Variants in KLF12 observed in about 807,000 individuals in gnomAD.
The protein encoded by KLF12 is KLF transcription factor 12.
KLF12 carries 9 observed loss-of-function variants against 37.8 expected under a neutral mutation model. The ratio of observed to expected loss-of-function variants is 0.24; its 90% CI spans 0.14 to 0.42. The LOEUF (loss-of-function observed/expected upper bound fraction) is 0.42. Ranked by LOEUF, KLF12 falls within the 10% of genes least tolerant of loss-of-function variation. The pLI is 1.00. For synonymous variants in KLF12, 208 were observed against 202.1 expected (o/e 1.03, Z -0.25); for missense variants, 411 against 516.0 (o/e 0.80, Z 1.97).
chr13:74,122,973 A>AG (rs1365971348), intron 1 of KLF12, among the ~76,000 whole-genome samples: 3 of 151,330 alleles, frequency 2.0e-5, no homozygotes, highest in Admixed American at 2.0e-4. Flanking sequence ...AAAAAAAAAA[A>AG]AAAAAAGAAT....
chr13:74,140,255 G>T, the KLF12 span, among the ~76,000 whole-genome samples: 1 of 152,132 alleles, frequency 6.6e-6, no homozygotes, highest in Admixed American at 6.5e-5. Flanking sequence ...AGCTGCAATG[G>T]CTCACACTTA....
chr13:73,962,575 T>C (rs966086149), intron 2 of KLF12, among the ~76,000 whole-genome samples: 2 of 152,212 alleles, frequency 1.3e-5, no homozygotes, highest in Non-Finnish European at 2.9e-5. Flanking sequence ...GTTGCGTATG[T>C]GTAGGGATGA....
At chr13:74,304,515 G>T in the KLF12 span, among the ~76,000 whole-genome samples, 207 of 152,176 alleles carry the variant, frequency 1.4e-3, 1 homozygote, top group Non-Finnish European at 2.4e-3. Context: ...AATGGAAAAT[G>T]AGTTATGTTT....
At chr13:74,178,430 A>T in the KLF12 span, among the ~76,000 whole-genome samples, 42 of 152,346 alleles carry the variant, frequency 2.8e-4, no homozygotes, top group South Asian at 8.7e-3. Context: ...GAACAAATAT[A>T]AGCAGGCAAT....
Position 73,695,624 on chromosome 13 carries a change from C to T in KLF12, c.1075G>A (p.Ala359Thr). ...TGCCTCGTCAGTTCATCTGAACGAG[C>T]GAACTTCCAGGTGCAGCCTTCCCAG... The change falls in exon 8 of 8, where the codon GCT becomes ACT. Residue 359 changes from alanine to threonine, a missense_variant. Ala to Thr is a moderately conservative substitution (Grantham distance 58, BLOSUM62 0). Transcript: ENST00000377669. The T allele has an allele frequency of 6.2e-7, 1 of 1,614,080 alleles. No homozygotes were observed. Among genetic ancestry groups the T allele is most frequent in the Non-Finnish European group, 8.5e-7 (1 of 1,179,962 alleles).
chr13:74,207,682 A>C, the KLF12 span, among the ~76,000 whole-genome samples: 1 of 152,146 alleles, frequency 6.6e-6, no homozygotes, highest in Non-Finnish European at 1.5e-5. Flanking sequence ...CAAAAACAAA[A>C]ACAAAACAAA....
intron 1 of KLF12, among the ~76,000 whole-genome samples, chr13:74,057,411 C>T (rs1409628262): frequency 6.6e-6 from 1 of 152,146 alleles, no homozygotes; most frequent in Non-Finnish European, 1.5e-5. Flanking sequence ...TCTCACTGGG[C>T]TCCCAAAGAA....
the KLF12 span, among the ~76,000 whole-genome samples, chr13:74,158,027 G>T: frequency 6.6e-6 from 1 of 152,258 alleles, no homozygotes; most frequent in East Asian, 1.9e-4. Context: ...AAATATTATG[G>T]CTTAAAACCA....
At chr13:73,834,501 A>T (rs1884325319) in intron 4 of KLF12, among the ~76,000 whole-genome samples, 1 of 151,950 alleles carries the variant, frequency 6.6e-6, no homozygotes, top group Admixed American at 6.6e-5. Context: ...ATTTATTTTC[A>T]TTTTATCTTA....
the KLF12 span, among the ~76,000 whole-genome samples, chr13:74,241,865 A>G: frequency 1.3e-5 from 2 of 152,142 alleles, no homozygotes; most frequent in South Asian, 4.2e-4. Flanking sequence ...AGTGAGATGA[A>G]CCCGGTACCT....
intron 1 of KLF12, among the ~76,000 whole-genome samples, chr13:74,080,676 A>T (rs1032077183): frequency 3.3e-5 from 5 of 152,240 alleles, no homozygotes; most frequent in Non-Finnish European, 7.3e-5. Flanking sequence ...CAATCAACAG[A>T]GATCTATCAA....
At position 73,752,097 on chromosome 13, in the gene KLF12, C is replaced by T. The variant is rs536415791; in HGVS notation, c.869+12841G>A. Among the ~76,000 whole-genome samples, 3 of 152,248 alleles carry T rather than the reference C, an allele frequency of 2.0e-5. No homozygotes were observed. In the East Asian group the frequency reaches 5.8e-4, roughly 29 times the overall value. On this transcript the variant is annotated intron_variant, in intron 6 of 7. Transcript: ENST00000377669. ...TCCTGGGTTCAAGTGATTCTCCTGC[C>T]TCGGCCTCCTAAGTAGCTGGGAGTG...
intron 3 of KLF12, among the ~76,000 whole-genome samples, chr13:73,878,284 T>G (rs1368431886): frequency 6.6e-6 from 1 of 152,126 alleles, no homozygotes; most frequent in Non-Finnish European, 1.5e-5. Context: ...TCACATAAAA[T>G]TATACAAAGG....
chr13:74,231,450 A>T, the KLF12 span: 1 of 152,156 alleles, frequency 6.6e-6, no homozygotes, highest in Non-Finnish European at 1.5e-5. Context: ...TGTGAACTGG[A>T]CCCGTAGAAG....
intron 1 of KLF12, among the ~76,000 whole-genome samples, chr13:74,014,854 T>C (rs1463043848): frequency 6.6e-6 from 1 of 152,160 alleles, no homozygotes; most frequent in African/African-American, 2.4e-5. Context: ...ACCACCAAAT[T>C]TTGAAATGAA....
intron 2 of KLF12, among the ~76,000 whole-genome samples, chr13:73,989,400 G>C (rs1366855417): frequency 1.3e-5 from 2 of 152,312 alleles, no homozygotes; most frequent in African/African-American, 4.8e-5. Context: ...ATCAGACTAA[G>C]TGAATACAGA....
the KLF12 span, among the ~76,000 whole-genome samples, chr13:74,176,630 A>AT: frequency 2.0e-5 from 3 of 152,050 alleles, no homozygotes; most frequent in African/African-American, 4.8e-5. Context: ...CACTGCACTG[A>AT]TTTTTTGTCT....
the KLF12 span, among the ~76,000 whole-genome samples, chr13:74,247,065 T>C: frequency 1.3e-5 from 2 of 152,346 alleles, no homozygotes; most frequent in South Asian, 2.1e-4. Flanking sequence ...GTACTAATAA[T>C]GAATTTTGAA....
chr13:73,894,064 G>T (rs1173760387), intron 3 of KLF12, among the ~76,000 whole-genome samples: 1 of 152,132 alleles, frequency 6.6e-6, no homozygotes. Context: ...TGAGAGACAG[G>T]GGAAGATGGG....
Sources: allele counts gnomAD v4.1 joint callset (sites outside exome capture counted in the v4.1 genomes callset), GRCh38; gene constraint gnomAD v4.1.1; transcripts MANE v1.5; gene names NCBI Gene and HGNC (gene_info 2026-07-23, HGNC 2026-07-21).